The following RTN1 variants were observed in gnomAD, a reference collection of about 807,000 sequenced individuals.
RTN1 encodes reticulon-1.
A neutral mutation model predicts 65.5 loss-of-function variants in RTN1; 25 were observed. That is an observed-to-expected ratio of 0.38 (90% confidence interval 0.28 to 0.53). The LOEUF is 0.53. RTN1 is among the 20% of genes least tolerant of loss of function. The probability of loss-of-function intolerance (pLI) is 0.79; values close to 1 mark genes in which losing one functional copy is unlikely to be tolerated. For missense variants in RTN1, 983 were observed against 1,025.4 expected (o/e 0.96, Z 0.57); for synonymous variants, 471 against 447.6 (o/e 1.05, Z -0.66).
chr14:59,742,607 T>G (rs776639947), intron 2 of RTN1, among the ~76,000 whole-genome samples: 3 of 152,256 alleles, frequency 2.0e-5, no homozygotes, highest in Non-Finnish European at 4.4e-5. Flanking sequence ...CATCTGTGGC[T>G]AAAGCTAACC....
rs140084028 is a variant in RTN1 at position 59,668,822 on chromosome 14, G to A, written c.1765+58097C>T. Among the ~76,000 whole-genome samples the A allele has an allele frequency of 1.9e-3, 291 of 152,326 alleles. 11 individuals are homozygous for A. In the East Asian group the frequency reaches 0.052, roughly 27 times the overall value. On this transcript the variant is annotated intron_variant, in intron 3 of 8. Coordinates refer to ENST00000267484, the MANE Select transcript of RTN1 (RefSeq NM_021136.3). ...TATGAACAGACACTTCTCAAAAGAAGACATCTATGCAGCCAGTAGACACAT... is the reference window on the plus strand; with the variant it reads ...TATGAACAGACACTTCTCAAAAGAAAACATCTATGCAGCCAGTAGACACAT...
At chr14:59,600,403 A>G (rs1394379406) in intron 8 of RTN1, among the ~76,000 whole-genome samples, 2 of 152,244 alleles carry the variant, frequency 1.3e-5, no homozygotes, top group African/African-American at 2.4e-5. Flanking sequence ...ATAAGGAAAT[A>G]GGCTCATAGA....
intron 1 of RTN1, among the ~76,000 whole-genome samples, chr14:59,773,642 C>T (rs1885999172): frequency 6.6e-6 from 1 of 152,100 alleles, no homozygotes; most frequent in Non-Finnish European, 1.5e-5. Flanking sequence ...AGTTTCCCCA[C>T]CTGAGTTACC....
At chr14:59,700,149 T>A (rs1884147794) in intron 3 of RTN1, among the ~76,000 whole-genome samples, 1 of 152,084 alleles carries the variant, frequency 6.6e-6, no homozygotes, top group Non-Finnish European at 1.5e-5. Flanking sequence ...TCAAAAATAA[T>A]AAAATAATCA....
intron 1 of RTN1, among the ~76,000 whole-genome samples, chr14:59,795,429 A>G (rs1301106258): frequency 1.3e-5 from 2 of 152,170 alleles, no homozygotes; most frequent in African/African-American, 2.4e-5. Context: ...GGCCGGGTGC[A>G]GTGGTTCATG....
chr14:59,778,736 C>T (rs751578441), intron 1 of RTN1, among the ~76,000 whole-genome samples: 1 of 152,112 alleles, frequency 6.6e-6, no homozygotes, highest in Non-Finnish European at 1.5e-5. Context: ...AAGTGCTTAC[C>T]AAATAGACCA....
chr14:59,789,826 C>T lies in RTN1; in HGVS notation c.242-43345G>A, dbSNP rs558744309. ...TCTACATATAATGTAATAAAATACA[C>T]GTTAAAAAGAATAAAGAACTGATAG... On this transcript the variant is annotated intron_variant, in intron 1 of 8. Coordinates refer to ENST00000267484, the MANE Select transcript of RTN1 (RefSeq NM_021136.3). 7.3e-5 allele frequency among the ~76,000 whole-genome samples: 11 copies of T among 151,520 alleles called. No homozygotes were observed. In the East Asian group the frequency reaches 7.7e-4, roughly 11 times the overall value.
At chr14:59,649,643 GA>G (rs1882981430) in intron 3 of RTN1, among the ~76,000 whole-genome samples, 1 of 152,086 alleles carries the variant, frequency 6.6e-6, no homozygotes, top group South Asian at 2.1e-4. Flanking sequence ...ACAAACATTT[GA>G]AAAAAAGCTC....
intron 1 of RTN1, among the ~76,000 whole-genome samples, chr14:59,852,146 A>G (rs1287999617): frequency 6.6e-6 from 1 of 152,210 alleles, no homozygotes; most frequent in Non-Finnish European, 1.5e-5. Flanking sequence ...AATTGATAGT[A>G]TAGTAAGTAG....
At chr14:59,671,559 G>A (rs370526603) in intron 3 of RTN1, among the ~76,000 whole-genome samples, 62 of 152,294 alleles carry the variant, frequency 4.1e-4, no homozygotes, top group South Asian at 2.3e-3. Context: ...ACAAGGAAGG[G>A]CTGCTAATAC....
intron 1 of RTN1, among the ~76,000 whole-genome samples, chr14:59,755,782 A>C (rs1196230347): frequency 6.6e-6 from 1 of 152,172 alleles, no homozygotes; most frequent in Non-Finnish European, 1.5e-5. Context: ...ATTTTTAATC[A>C]GTTTTATCTG....
At chr14:59,845,996 A>G (rs1887402236) in intron 1 of RTN1, among the ~76,000 whole-genome samples, 1 of 152,204 alleles carries the variant, frequency 6.6e-6, no homozygotes, top group South Asian at 2.1e-4. Flanking sequence ...CTCTAAACAT[A>G]CAGTTGATGA....
chr14:59,620,838 T>G (rs1181837413), intron 3 of RTN1, among the ~76,000 whole-genome samples: 1 of 152,154 alleles, frequency 6.6e-6, no homozygotes, highest in Non-Finnish European at 1.5e-5. Flanking sequence ...ACAAGGAGCA[T>G]GATCAGAAGA....
At chr14:59,839,039 C>T (rs916883696) in intron 1 of RTN1, among the ~76,000 whole-genome samples, 3 of 151,994 alleles carry the variant, frequency 2.0e-5, no homozygotes, top group Admixed American at 1.3e-4. Flanking sequence ...AAGAAAGAGA[C>T]GCTTTCCAAA....
rs367969767 is a variant in RTN1 at position 59,825,873 on chromosome 14, C to T, written c.241+44517G>A. On this transcript the variant is annotated intron_variant, in intron 1 of 8. Coordinates refer to ENST00000267484, the MANE Select transcript of RTN1 (RefSeq NM_021136.3). The surrounding 1 kb of genome is among the most constrained non-coding windows in gnomAD (Gnocchi z 4.2). The stretch of plus-strand genomic sequence containing the variant: ...CAGGAGCCTATAACCTCGTTACAGG[C>T]CACTCACTCCAGGAATGGTGTGAGG... Among the ~76,000 whole-genome samples the T allele has an allele frequency of 2.0e-4, 31 of 152,288 alleles. No homozygotes were observed. Among genetic ancestry groups the T allele is most frequent in the African/African-American group, 7.2e-4 (30 of 41,560 alleles).
chr14:59,678,257 T>C (rs1338917668), intron 3 of RTN1, among the ~76,000 whole-genome samples: 1 of 152,132 alleles, frequency 6.6e-6, no homozygotes, highest in Non-Finnish European at 1.5e-5. Flanking sequence ...CAAAGTTTTA[T>C]TTAAGGGTTG....
chr14:59,812,820 C>T (rs916254851), intron 1 of RTN1, among the ~76,000 whole-genome samples: 10 of 152,158 alleles, frequency 6.6e-5, no homozygotes, highest in African/African-American at 2.2e-4. Context: ...AGTACAAAAA[C>T]AACACACTGA....
rs1886582696 is a variant in RTN1, at chr14:59,803,460, A to T, written c.242-56979T>A. Among the ~76,000 whole-genome samples, 1 of 152,174 alleles carries T rather than the reference A, an allele frequency of 6.6e-6. No homozygotes were observed. ...AAGAATTAGGGCAACTATCCAGATA[A>T]TTCAGGCCACCCAAATCTACTCTGG... is the stretch of plus-strand genomic sequence containing the variant. On this transcript the variant is annotated intron_variant, in intron 1 of 8. Transcript: ENST00000267484. The surrounding 1 kb of genome is among the most constrained non-coding windows in gnomAD (Gnocchi z 5.6).
Position 59,868,795 on chromosome 14 carries a change from A to ATT in RTN1, c.241+1593_241+1594dup, listed in dbSNP as rs1887840057. Among the ~76,000 whole-genome samples the ATT allele has an allele frequency of 6.6e-6, 1 of 152,218 alleles. No individual in the cohort carries two copies. The highest frequency in any genetic ancestry group is 2.4e-5 in the African/African-American group (1 of 41,446). On this transcript the variant is annotated intron_variant, in intron 1 of 8. Transcript: ENST00000267484. This position sits in a 1 kb window ranked among gnomAD's most constrained non-coding sequence, Gnocchi z 4.0. ...TTTCATAAAGAAACAATTTACTTTG[A>ATT]TTACAGTGGATAAAGATTCTGAACT...
Sources: allele counts gnomAD v4.1 joint callset (sites outside exome capture counted in the v4.1 genomes callset), GRCh38; gene constraint gnomAD v4.1.1; non-coding constraint Gnocchi (gnomAD v3.1); transcripts MANE v1.5; gene names NCBI Gene and HGNC (gene_info 2026-07-23, HGNC 2026-07-21).